The following MARCHF2 variants were observed in gnomAD, a reference collection of about 807,000 sequenced individuals.
The protein encoded by MARCHF2 is membrane associated ring-CH-type finger 2.
Under a neutral mutation model 24.0 loss-of-function variants are expected in MARCHF2, and 22 were observed. The ratio of observed to expected loss-of-function variants is 0.92; its 90% CI spans 0.66 to 1.31. The LOEUF (loss-of-function observed/expected upper bound fraction) is 1.31, where lower values mean the gene tolerates loss of function less well. Ranked by LOEUF, MARCHF2 falls within the 50% of genes most tolerant of loss-of-function variation. The pLI is 0.00. For synonymous variants in MARCHF2, 154 were observed against 153.0 expected (o/e 1.01, Z -0.05); for missense variants, 301 against 335.3 (o/e 0.90, Z 0.80).
intron 4 of MARCHF2, among the ~76,000 whole-genome samples, chr19:8,435,458 G>A (rs556157272): frequency 7.9e-5 from 12 of 152,070 alleles, no homozygotes; most frequent in African/African-American, 2.9e-4. Context: ...TATTAACATC[G>A]TTTACCCAAG....
At chr19:8,415,775 G>C (rs1308160169) in intron 1 of MARCHF2, among the ~76,000 whole-genome samples, 3 of 128,850 alleles carry the variant, frequency 2.3e-5, no homozygotes, top group East Asian at 4.8e-4. Context: ...AGAAAGAAGA[G>C]AAATAAATCT....
intron 4 of MARCHF2, among the ~76,000 whole-genome samples, chr19:8,437,347 C>CTTTTTTTT (rs1156296451): frequency 8.8e-6 from 1 of 113,948 alleles, no homozygotes; most frequent in African/African-American, 2.7e-5. Flanking sequence ...ATTCATTCAC[C>CTTTTTTTT]TATTTTTTTT....
At chr19:8,417,101 C>T (rs1403159594) in intron 1 of MARCHF2, among the ~76,000 whole-genome samples, 1 of 151,640 alleles carries the variant, frequency 6.6e-6, no homozygotes, top group Non-Finnish European at 1.5e-5. Context: ...ATTAGAACAC[C>T]ACATGCAGGA....
chr19:8,431,426 G>C (rs1967579519), intron 4 of MARCHF2, among the ~76,000 whole-genome samples: 2 of 148,626 alleles, frequency 1.3e-5, no homozygotes, highest in South Asian at 4.2e-4. Context: ...GAACTCGGGA[G>C]GCGGAGGTTG....
chr19:8,421,891 C>T lies in MARCHF2; in HGVS notation c.51C>T (p.Ser17=), dbSNP rs368370666. 1.9e-4 allele frequency: 312 copies of T among 1,613,590 alleles called. 1 individual carries two copies. Among genetic ancestry groups the T allele is most frequent in the Middle Eastern group, 1.2e-3 (7 of 6,058 alleles). ...CHLPGSLCDC[S]GSPAFSKVVE... is the part of the protein sequence containing the mutation. ...TCCCCGGCTCCCTGTGTGACTGCTC[C>T]GGCAGCCCTGCCTTCTCCAAGGTCG... The change falls in exon 2 of 5, where the codon TCC becomes TCT. Residue 17 remains serine (S), a synonymous_variant. Transcript: ENST00000215555.
intron 4 of MARCHF2, among the ~76,000 whole-genome samples, chr19:8,431,096 T>C (rs1349604872): frequency 1.3e-5 from 2 of 152,000 alleles, no homozygotes; most frequent in Non-Finnish European, 2.9e-5. Flanking sequence ...TTGACCTGAG[T>C]GCAGGAACCC....
intron 4 of MARCHF2, among the ~76,000 whole-genome samples, chr19:8,436,660 C>T (rs1325657338): frequency 1.4e-5 from 2 of 140,656 alleles, no homozygotes; most frequent in Non-Finnish European, 3.1e-5. Context: ...AGGTTATTTT[C>T]GTGGCTTAAG....
intron 4 of MARCHF2, among the ~76,000 whole-genome samples, chr19:8,433,311 G>C (rs1395772298): frequency 6.6e-6 from 1 of 152,070 alleles, no homozygotes; most frequent in Non-Finnish European, 1.5e-5. Context: ...GGGAGGCTGA[G>C]GGGGGCATAT....
At position 8,421,908 on chromosome 19, in the gene MARCHF2, C is replaced by G. The variant is rs541856398; in HGVS notation, c.68C>G (p.Ser23Cys). Residue 23 changes from serine (S) to cysteine (C), a missense_variant, in exon 2 of 5, where the codon TCC (serine) becomes TGC (cysteine). Coordinates refer to ENST00000215555, the MANE Select transcript of MARCHF2 (RefSeq NM_001005415.2). ...GACTGCTCCGGCAGCCCTGCCTTCT[C>G]CAAGGTCGTGGAGGCTACGGGCCTC... ...LCDCSGSPAF[S>C]KVVEATGLGP... The G allele has an allele frequency of 6.2e-7, 1 of 1,613,904 alleles. No homozygotes were observed. The highest frequency in any genetic ancestry group is 1.7e-5 in the Admixed American group (1 of 59,966).
At chr19:8,432,471 T>G (rs968847113) in intron 4 of MARCHF2, among the ~76,000 whole-genome samples, 2 of 151,998 alleles carry the variant, frequency 1.3e-5, no homozygotes, top group Non-Finnish European at 2.9e-5. Flanking sequence ...GCAGGGCAAC[T>G]TAGGGAGACC....
rs188900514 is a variant in MARCHF2, at chr19:8,432,976, T to C, written c.582+2109T>C. On this transcript the variant is annotated intron_variant, in intron 4 of 4. Coordinates refer to ENST00000215555, the MANE Select transcript of MARCHF2 (RefSeq NM_001005415.2). ...ACTCACGCCTGTAATCCCAGCACTT[T>C]AGGAGGTTGAGGCAGGCAGATTGCT... is the stretch of plus-strand genomic sequence containing the variant. 2.3e-3 allele frequency among the ~76,000 whole-genome samples: 346 copies of C among 152,056 alleles called. 3 individuals are homozygous for C. The highest frequency in any genetic ancestry group is 7.8e-3 in the African/African-American group (322 of 41,482).
intron 3 of MARCHF2, 54 bp downstream of exon 3, chr19:8,426,858 G>A: frequency 6.5e-7 from 1 of 1,545,708 alleles, no homozygotes; most frequent in African/African-American, 1.4e-5. Context: ...GCAGACATGG[G>A]GGCCAAAGGC....
Position 8,430,881 on chromosome 19 carries a change from G to A in MARCHF2, c.582+14G>A, listed in dbSNP as rs2303180. 455,074 of 1,570,466 alleles carry A rather than the reference G, an allele frequency of 0.29. 67,937 individuals are homozygous for A. Among genetic ancestry groups the A allele is most frequent in the Admixed American group, 0.43 (23,395 of 53,896 alleles). On this transcript the variant is annotated intron_variant, in intron 4 of 4. Transcript: ENST00000215555. This position sits in a 1 kb window ranked among gnomAD's most constrained non-coding sequence, Gnocchi z 4.4. ...CTCTGGACGCTGGTGAGTGGCTGTG[G>A]TTGTGCAGCACGCGTCTCGAGCTCT...
chr19:8,434,035 G>A (rs1488510042), intron 4 of MARCHF2, among the ~76,000 whole-genome samples: 2 of 151,406 alleles, frequency 1.3e-5, no homozygotes, highest in Non-Finnish European at 2.9e-5. Context: ...AGCTGTAGGG[G>A]AGTCCCTGCC....
rs774455011 is a variant in MARCHF2 at position 8,422,024 on chromosome 19, G to T, written c.176+8G>T. On this transcript the variant is annotated splice_region_variant and intron_variant, in intron 2 of 4. Transcript: ENST00000215555. The stretch of plus-strand genomic sequence containing the variant: ...TGCCTTGGACACACCGAGGTGAGTG[G>T]TGACTGCGTGGATATCCTGGCCTTT... The T allele has an allele frequency of 6.2e-7, 1 of 1,602,320 alleles. No homozygotes were observed. Among genetic ancestry groups the T allele is most frequent in the Non-Finnish European group, 8.5e-7 (1 of 1,173,486 alleles).
intron 1 of MARCHF2, 97 bp from the exon 2 acceptor site, chr19:8,421,692 T>G: frequency 4.9e-6 from 3 of 617,258 alleles, no homozygotes; most frequent in Non-Finnish European, 8.2e-6. Flanking sequence ...ATGTAAATGG[T>G]CTAGTGGTCC....
chr19:8,436,355 G>C (rs147293887), intron 4 of MARCHF2, among the ~76,000 whole-genome samples: 1 of 152,006 alleles, frequency 6.6e-6, no homozygotes, highest in African/African-American at 2.4e-5. Context: ...GGATGGTCTC[G>C]ATCTCTTGAC....
chr19:8,421,721 G>A, intron 1 of MARCHF2, 68 bp from the exon 2 acceptor site: 1 of 809,868 alleles, frequency 1.2e-6, no homozygotes, highest in Non-Finnish European at 1.9e-6. Flanking sequence ...TTGACAAGAG[G>A]GGACTCAAAC....
At position 8,430,130 on chromosome 19, in the gene MARCHF2, G is replaced by A. The variant is rs1967537895; in HGVS notation, c.373-528G>A. Among the ~76,000 whole-genome samples the A allele has an allele frequency of 6.6e-6, 1 of 152,038 alleles. No individual in the cohort carries two copies. The stretch of plus-strand genomic sequence containing the variant: ...TGTAATCCCAGAACTTTGGAAGGCC[G>A]AGGTGGGCAGATCACTTAAGGTCAC... On this transcript the variant is annotated intron_variant, in intron 3 of 4. Coordinates refer to ENST00000215555, the MANE Select transcript of MARCHF2 (RefSeq NM_001005415.2). The surrounding 1 kb of genome is among the most constrained non-coding windows in gnomAD (Gnocchi z 4.4).
Sources: gnomAD v4.1 joint callset for allele counts (sites outside exome capture counted in the v4.1 genomes callset) on GRCh38, gnomAD v4.1.1 for gene constraint, Gnocchi (gnomAD v3.1) non-coding constraint, MANE v1.5 for transcripts, NCBI Gene and HGNC (gene_info 2026-07-23, HGNC 2026-07-21) for gene names.